Variants in STARD13 observed in about 807,000 individuals in gnomAD.
STARD13 encodes stAR-related lipid transfer protein 13.
STARD13 carries 62 observed loss-of-function variants against 106.4 expected under a neutral mutation model. The observed-to-expected ratio is 0.58, with a 90% CI of 0.48 to 0.72. STARD13 has a LOEUF of 0.72. Ranked by LOEUF, STARD13 falls within the 30% of genes least tolerant of loss-of-function variation. The pLI is 0.00. For missense variants in STARD13, 1,387 were observed against 1,424.0 expected, an observed-to-expected ratio of 0.97 and a Z score of 0.42; for synonymous variants, 565 against 553.0, an observed-to-expected ratio of 1.02 and a Z score of -0.31.
the STARD13 span, among the ~76,000 whole-genome samples, chr13:33,371,590 G>A: frequency 3.1e-4 from 47 of 152,312 alleles, no homozygotes; most frequent in Non-Finnish European, 6.3e-4. Flanking sequence ...TAGTAAAAAC[G>A]ACACTGCACG....
At chr13:33,153,804 C>T (rs1056839732) in intron 3 of STARD13, among the ~76,000 whole-genome samples, 2 of 152,238 alleles carry the variant, frequency 1.3e-5, no homozygotes, top group Non-Finnish European at 2.9e-5. Flanking sequence ...ATGAGTTCAA[C>T]TCTTACAGAC....
At chr13:33,435,126 T>C in the STARD13 span, among the ~76,000 whole-genome samples, 1 of 152,188 alleles carries the variant, frequency 6.6e-6, no homozygotes, top group Non-Finnish European at 1.5e-5. Flanking sequence ...TGAAGTCACC[T>C]GAAATCTTAA....
upstream of STARD13, among the ~76,000 whole-genome samples, chr13:33,287,856 A>AT (rs1473828712): frequency 6.6e-6 from 1 of 152,136 alleles, no homozygotes; most frequent in Non-Finnish European, 1.5e-5. Flanking sequence ...AGAGGGGAGC[A>AT]TGGGACTTGA....
intron 1 of STARD13, chr13:33,336,456 T>C (rs189218271): frequency 6.6e-6 from 1 of 152,282 alleles, no homozygotes; most frequent in African/African-American, 2.4e-5. Context: ...AATTGGCTGA[T>C]TATAAGCTGC....
At chr13:33,586,226 G>A in the STARD13 span, among the ~76,000 whole-genome samples, 2 of 152,152 alleles carry the variant, frequency 1.3e-5, no homozygotes, top group Non-Finnish European at 2.9e-5. Context: ...TTAAACTTCT[G>A]AGTTAAGAAA....
the STARD13 span, among the ~76,000 whole-genome samples, chr13:33,648,389 C>A: frequency 4.6e-5 from 7 of 152,194 alleles, no homozygotes. Context: ...GCGGTTTCAG[C>A]CGATCTGGGG....
the STARD13 span, among the ~76,000 whole-genome samples, chr13:33,479,926 A>G: frequency 6.6e-6 from 1 of 152,174 alleles, no homozygotes; most frequent in Non-Finnish European, 1.5e-5. Context: ...CAATGCCAGC[A>G]TCATGCTTCC....
the STARD13 span, among the ~76,000 whole-genome samples, chr13:33,597,711 C>T: frequency 3.3e-5 from 5 of 151,654 alleles, no homozygotes; most frequent in South Asian, 2.1e-4. Context: ...AAAAATTAGC[C>T]GGGCATGGGG....
intron 1 of STARD13, among the ~76,000 whole-genome samples, chr13:33,218,942 C>G (rs966411447): frequency 3.9e-5 from 6 of 152,136 alleles, no homozygotes; most frequent in African/African-American, 1.4e-4. Context: ...AAGATTATTT[C>G]TTCTAAAGGA....
At chr13:33,465,201 C>CTTTT in the STARD13 span, among the ~76,000 whole-genome samples, 495 of 60,586 alleles carry the variant, frequency 8.2e-3, 7 homozygotes, top group African/African-American at 0.017. Flanking sequence ...TGGTCTTCTT[C>CTTTT]TTTTTTTTTT....
chr13:33,507,571 G>A, the STARD13 span, among the ~76,000 whole-genome samples: 12 of 152,218 alleles, frequency 7.9e-5, no homozygotes, highest in South Asian at 1.5e-3. Context: ...AAGAATGTGT[G>A]TTCAATAATT....
the STARD13 span, among the ~76,000 whole-genome samples, chr13:33,495,947 TTTAATTATATATAGTTA>T: frequency 1.4e-5 from 2 of 143,242 alleles, no homozygotes; most frequent in African/African-American, 5.0e-5. Flanking sequence ...AATTATATTA[TTTAATTATATATAGTTA>T]ATATATAATT....
At chr13:33,519,264 C>CTTTCTATA in the STARD13 span, among the ~76,000 whole-genome samples, 16 of 143,576 alleles carry the variant, frequency 1.1e-4, no homozygotes, top group South Asian at 3.3e-3. Context: ...TTCTTTCTTT[C>CTTTCTATA]TTTCTTTCTT....
intron 1 of STARD13, among the ~76,000 whole-genome samples, chr13:33,242,465 C>T (rs1159191492): frequency 1.3e-5 from 2 of 152,190 alleles, no homozygotes; most frequent in Non-Finnish European, 2.9e-5. Flanking sequence ...ACCCCGTGCT[C>T]TCCGAAACAT....
the STARD13 span, among the ~76,000 whole-genome samples, chr13:33,442,663 A>C: frequency 2.6e-5 from 4 of 152,230 alleles, no homozygotes; most frequent in African/African-American, 9.6e-5. Context: ...AAAATATTTG[A>C]AAAATATTAC....
the STARD13 span, among the ~76,000 whole-genome samples, chr13:33,662,873 C>T: frequency 6.6e-6 from 1 of 152,078 alleles, no homozygotes; most frequent in Non-Finnish European, 1.5e-5. Context: ...ATACGCTCTC[C>T]CTAAAAAAAT....
At chr13:33,499,570 C>G in the STARD13 span, among the ~76,000 whole-genome samples, 3 of 66,584 alleles carry the variant, frequency 4.5e-5, no homozygotes, top group Admixed American at 5.2e-4. Flanking sequence ...TCTTCTTCTT[C>G]TTCTTCTTCT....
At chr13:33,638,389 G>T in the STARD13 span, among the ~76,000 whole-genome samples, 1 of 152,132 alleles carries the variant, frequency 6.6e-6, no homozygotes, top group Non-Finnish European at 1.5e-5. Flanking sequence ...GATATACACT[G>T]GTTCCTTCCA....
chr13:33,144,672 C>T (rs897875947), intron 3 of STARD13, among the ~76,000 whole-genome samples: 1 of 152,182 alleles, frequency 6.6e-6, no homozygotes, highest in Non-Finnish European at 1.5e-5. Context: ...CTCAGCCTGT[C>T]TCTTTGGTCT....
Sources: allele counts gnomAD v4.1 joint callset (sites outside exome capture counted in the v4.1 genomes callset), GRCh38; gene constraint gnomAD v4.1.1; transcripts MANE v1.5; gene names NCBI Gene and HGNC (gene_info 2026-07-23, HGNC 2026-07-21).